Variants in HCRTR2 observed in about 807,000 individuals in gnomAD.
The protein encoded by HCRTR2 is hypocretin receptor 2.
A neutral mutation model predicts 49.0 loss-of-function variants in HCRTR2; 22 were observed. That is an observed-to-expected ratio of 0.45 (90% CI 0.32 to 0.64). The LOEUF (loss-of-function observed/expected upper bound fraction) is 0.64, where lower values mean the gene tolerates loss of function less well. HCRTR2 is among the 30% of genes least tolerant of loss of function. The pLI, the probability that HCRTR2 is intolerant of heterozygous loss-of-function variation, is 0.04. For missense variants in HCRTR2, 491 were observed against 559.4 expected (o/e 0.88, Z 1.23); for synonymous variants, 236 against 205.3 (o/e 1.15, Z -1.28).
intron 1 of HCRTR2, among the ~76,000 whole-genome samples, chr6:55,247,469 A>T (rs922889335): frequency 1.3e-5 from 2 of 152,148 alleles, no homozygotes; most frequent in African/African-American, 4.8e-5. Context: ...AAATTTAACA[A>T]AATTAGGTTT....
intron 1 of HCRTR2, among the ~76,000 whole-genome samples, chr6:55,141,304 A>T (rs1481517159): frequency 2.0e-5 from 3 of 152,110 alleles, no homozygotes; most frequent in Non-Finnish European, 2.9e-5. Flanking sequence ...AGATTGCGCC[A>T]CTGCACTCCA....
chr6:55,150,418 C>T (rs575453825), intron 1 of HCRTR2, among the ~76,000 whole-genome samples: 1 of 151,952 alleles, frequency 6.6e-6, no homozygotes, highest in East Asian at 1.9e-4. Context: ...ACTGTAAGCA[C>T]TCTGCTATAC....
At chr6:55,198,967 G>T (rs1765464395) in intron 1 of HCRTR2, among the ~76,000 whole-genome samples, 1 of 152,176 alleles carries the variant, frequency 6.6e-6, no homozygotes, top group South Asian at 2.1e-4. Flanking sequence ...ACAGAAGATA[G>T]TATTTCTGTT....
chr6:55,168,471 A>G (rs1191822248), intron 1 of HCRTR2, among the ~76,000 whole-genome samples: 8 of 152,130 alleles, frequency 5.3e-5, no homozygotes, highest in Admixed American at 5.2e-4. Flanking sequence ...GACCCTGACA[A>G]CTCTGCTTAA....
At chr6:55,215,061 G>C (rs943688680) in intron 1 of HCRTR2, among the ~76,000 whole-genome samples, 1 of 152,088 alleles carries the variant, frequency 6.6e-6, no homozygotes, top group Admixed American at 6.5e-5. Flanking sequence ...AAAGACAATA[G>C]ATATTCTGAA....
intron 4 of HCRTR2, among the ~76,000 whole-genome samples, chr6:55,266,725 G>T (rs750646638): frequency 6.6e-6 from 1 of 151,960 alleles, no homozygotes. Flanking sequence ...CTTTTACATG[G>T]TAAAACTTTA....
intron 4 of HCRTR2, among the ~76,000 whole-genome samples, chr6:55,275,970 A>AAGAC (rs5876436): frequency 0.82 from 123,353 of 151,132 alleles, 50,364 homozygotes; most frequent in East Asian, 0.93. Context: ...GATCATTTAG[A>AAGAC]AGACAGTTCA....
intron 1 of HCRTR2, among the ~76,000 whole-genome samples, chr6:55,213,803 G>T (rs2127293004): frequency 6.6e-6 from 1 of 152,230 alleles, no homozygotes; most frequent in Non-Finnish European, 1.5e-5. Flanking sequence ...CCACAATGTT[G>T]GGGGCTGCAG....
intron 1 of HCRTR2, among the ~76,000 whole-genome samples, chr6:55,107,532 G>A (rs1213818431): frequency 1.3e-5 from 2 of 150,122 alleles, no homozygotes. Flanking sequence ...TCTCCCCATA[G>A]GTTCTGTAAC....
At chr6:55,165,957 G>C (rs937214217) in intron 1 of HCRTR2, among the ~76,000 whole-genome samples, 8 of 151,780 alleles carry the variant, frequency 5.3e-5, no homozygotes, top group African/African-American at 1.9e-4. Context: ...AATGATATTA[G>C]ACATGGATTT....
chr6:55,151,539 G>T (rs1406802302), intron 1 of HCRTR2, among the ~76,000 whole-genome samples: 3 of 151,984 alleles, frequency 2.0e-5, no homozygotes, highest in African/African-American at 7.2e-5. Context: ...TATTTCTTTT[G>T]CTATTTCTAC....
At chr6:55,222,119 A>T (rs1765909285) in intron 1 of HCRTR2, among the ~76,000 whole-genome samples, 1 of 152,110 alleles carries the variant, frequency 6.6e-6, no homozygotes, top group Non-Finnish European at 1.5e-5. Flanking sequence ...AATAGCAAAA[A>T]ACTAACCCAA....
At chr6:55,218,685 A>C (rs1037617175) in intron 1 of HCRTR2, among the ~76,000 whole-genome samples, 4 of 152,256 alleles carry the variant, frequency 2.6e-5, no homozygotes, top group African/African-American at 7.2e-5. Flanking sequence ...TGTAATATTA[A>C]AAGAGTCAAT....
chr6:55,255,430 G>T, intron 3 of HCRTR2, 51 bp downstream of exon 3: 1 of 1,603,216 alleles, frequency 6.2e-7, no homozygotes, highest in South Asian at 1.1e-5. Context: ...GCAGCAAATT[G>T]AAAATTGGAT....
At chr6:55,142,694 AT>A (rs1201752746) in intron 1 of HCRTR2, among the ~76,000 whole-genome samples, 1 of 151,786 alleles carries the variant, frequency 6.6e-6, no homozygotes, top group African/African-American at 2.4e-5. Flanking sequence ...GTAGTTTAGC[AT>A]TTTTTTGAAT....
intron 1 of HCRTR2, among the ~76,000 whole-genome samples, chr6:55,109,186 G>A (rs62416417): frequency 0.22 from 33,916 of 152,138 alleles, 4,704 homozygotes; most frequent in Middle Eastern, 0.32. Flanking sequence ...ATTCCTAGGG[G>A]AAGAGGGAGA....
chr6:55,108,964 G>C (rs922227210), intron 1 of HCRTR2, among the ~76,000 whole-genome samples: 4 of 151,998 alleles, frequency 2.6e-5, no homozygotes, highest in Non-Finnish European at 4.4e-5. Flanking sequence ...ATATAAACTC[G>C]GTGCTGTTGA....
chr6:55,144,681 T>C (rs1207431511), intron 1 of HCRTR2, among the ~76,000 whole-genome samples: 2 of 152,120 alleles, frequency 1.3e-5, no homozygotes, highest in Non-Finnish European at 2.9e-5. Flanking sequence ...CCTGTGATAA[T>C]CTGCTCCCTC....
intron 1 of HCRTR2, among the ~76,000 whole-genome samples, chr6:55,219,947 G>A (rs1040652091): frequency 1.3e-5 from 2 of 152,064 alleles, no homozygotes; most frequent in Non-Finnish European, 1.5e-5. Context: ...TAACCTAGAA[G>A]AAATGTATAA....
Sources: allele counts gnomAD v4.1 joint callset (sites outside exome capture counted in the v4.1 genomes callset), GRCh38; gene constraint gnomAD v4.1.1; transcripts MANE v1.5; gene names NCBI Gene and HGNC (gene_info 2026-07-23, HGNC 2026-07-21).